Variants in ATXN7L1 observed in about 807,000 individuals in gnomAD.
ATXN7L1 encodes the protein ataxin 7 like 1.
In ATXN7L1, 15 loss-of-function variants were observed where a neutral mutation model predicts 70.8. The ratio of observed to expected loss-of-function variants is 0.21; its 90% CI spans 0.14 to 0.33. The LOEUF (loss-of-function observed/expected upper bound fraction) is 0.33, where lower values mean the gene tolerates loss of function less well. ATXN7L1 is among the 10% of genes least tolerant of loss of function. The pLI is 1.00. For synonymous variants in ATXN7L1, 440 were observed against 445.1 expected, an observed-to-expected ratio of 0.99 and a Z score of 0.14; for missense variants, 975 against 1,097.1, an observed-to-expected ratio of 0.89 and a Z score of 1.57.
chr7:105,610,566 C>T lies in ATXN7L1; in HGVS notation c.2510G>A (p.Ser837Asn). 6.4e-7 allele frequency: 1 copy of T among 1,551,410 alleles called. No individual in the cohort carries two copies. Among genetic ancestry groups the T allele is most frequent in the East Asian group, 2.4e-5 (1 of 40,908 alleles). The change falls in exon 11 of 12, where the codon AGT becomes AAT. Residue 837 changes from serine (S) to asparagine (N), a missense_variant. Ser to Asn is a conservative substitution (Grantham distance 46). Coordinates refer to ENST00000419735, the MANE Select transcript of ATXN7L1 (RefSeq NM_020725.2). ...KNSSLALSQS[S>N]PSSISSPGHS... is the part of the protein sequence containing the mutation. ...TCCTGGGCTGGATATACTTGAAGGACTGGATTGTGACAAAGCTAGGCTGCT... is the reference window on the plus strand; with the variant it reads ...TCCTGGGCTGGATATACTTGAAGGATTGGATTGTGACAAAGCTAGGCTGCT...
chr7:105,775,826 A>G (rs1802646776), intron 3 of ATXN7L1, among the ~76,000 whole-genome samples: 1 of 152,132 alleles, frequency 6.6e-6, no homozygotes, highest in Admixed American at 6.5e-5. Context: ...CTGAATTTGG[A>G]TGAGGGCGAT....
intron 3 of ATXN7L1, among the ~76,000 whole-genome samples, chr7:105,786,623 C>T (rs1334838057): frequency 2.0e-5 from 3 of 152,088 alleles, no homozygotes; most frequent in Non-Finnish European, 1.5e-5. Context: ...TGGGCTCAAG[C>T]AGTTCTCCCC....
chr7:105,718,858 A>G (rs1202710634), intron 3 of ATXN7L1, among the ~76,000 whole-genome samples: 1 of 152,256 alleles, frequency 6.6e-6, no homozygotes, highest in Non-Finnish European at 1.5e-5. Flanking sequence ...AGGTTACAGC[A>G]TGGGAGGGCA....
At chr7:105,819,776 G>A (rs989669015) in intron 2 of ATXN7L1, 33 of 688,980 alleles carry the variant, frequency 4.8e-5, no homozygotes, top group South Asian at 3.5e-4. Flanking sequence ...AAGCAAGGCC[G>A]GGCCGCCCTG....
In ATXN7L1 at chr7:105,614,152, C is replaced by T; in HGVS notation, c.2182G>A (p.Asp728Asn). Residue 728 changes from aspartate (D) to asparagine (N), a missense_variant, in exon 10 of 12, where the codon GAC becomes AAC. Asp to Asn is a conservative substitution (Grantham distance 23). Transcript: ENST00000419735. The surrounding 1 kb of genome is among the most constrained non-coding windows in gnomAD (Gnocchi z 4.3). ...GRTSLPGGPA[D>N]IVRQVGAVGG... ...ACCGCGCCCACCTGTCTCACTATGT[C>T]CGCGGGGCCGCCGGGCAGCGAGGTC... The T allele has an allele frequency of 6.4e-7, 1 of 1,551,648 alleles. No homozygotes were observed. Among genetic ancestry groups the T allele is most frequent in the Non-Finnish European group, 8.7e-7 (1 of 1,146,980 alleles).
chr7:105,755,016 A>G (rs1799643577), intron 3 of ATXN7L1, among the ~76,000 whole-genome samples: 2 of 151,762 alleles, frequency 1.3e-5, no homozygotes, highest in Admixed American at 6.6e-5. Context: ...AAGCTGAAAA[A>G]TATCAACAAG....
Position 105,662,514 on chromosome 7 carries a change from T to C in ATXN7L1, c.578+2552A>G, listed in dbSNP as rs115541934. Among the ~76,000 whole-genome samples the C allele has an allele frequency of 2.7e-3, 417 of 152,278 alleles. 3 individuals carry two copies. The highest frequency in any genetic ancestry group is 9.7e-3 in the African/African-American group (403 of 41,558). On this transcript the variant is annotated intron_variant, in intron 4 of 11. Coordinates refer to ENST00000419735, the MANE Select transcript of ATXN7L1 (RefSeq NM_020725.2). The stretch of plus-strand genomic sequence containing the variant: ...GAGTGTGGACAATGATTTGAACCAA[T>C]GGTCTCCCTGAAGGTTTGCCTTTTG...
intron 2 of ATXN7L1, among the ~76,000 whole-genome samples, chr7:105,817,820 G>A (rs191563038): frequency 1.1e-4 from 17 of 152,282 alleles, no homozygotes; most frequent in Admixed American, 8.5e-4. Flanking sequence ...CAGCTACTCC[G>A]GAGGCTGAGG....
At chr7:105,854,028 T>G (rs1161357813) in intron 2 of ATXN7L1, among the ~76,000 whole-genome samples, 1 of 152,052 alleles carries the variant, frequency 6.6e-6, no homozygotes, top group Non-Finnish European at 1.5e-5. Context: ...GCCACATCGA[T>G]TTAAACATCC....
intron 2 of ATXN7L1, among the ~76,000 whole-genome samples, chr7:105,842,522 G>A (rs1446903510): frequency 1.3e-5 from 2 of 152,170 alleles, no homozygotes; most frequent in Admixed American, 1.3e-4. Context: ...GTTCATCCAT[G>A]TTATAGCAGG....
intron 3 of ATXN7L1, among the ~76,000 whole-genome samples, chr7:105,754,423 A>T (rs1799562297): frequency 6.6e-6 from 1 of 150,738 alleles, no homozygotes; most frequent in African/African-American, 2.4e-5. Context: ...TAAGAGACAG[A>T]GTCTCACTCT....
rs755821220 is a variant in ATXN7L1, at chr7:105,876,442, C to G, written c.117G>C (p.Pro39=). Residue 39 remains proline (P), a synonymous_variant, in exon 1 of 12, where the codon CCG becomes CCC. Coordinates refer to ENST00000419735, the MANE Select transcript of ATXN7L1 (RefSeq NM_020725.2). ...ACCAGGGTTTGCCCAGAAACGCCTC[C>G]GGACTGGGCACTTTGCGATCCAGTG... ...MATLDRKVPS[P]EAFLGKPWSS... is the part of the protein sequence containing the mutation. 1 of 1,613,654 alleles carries G rather than the reference C, an allele frequency of 6.2e-7. No homozygotes were observed. Among genetic ancestry groups the G allele is most frequent in the South Asian group, 1.1e-5 (1 of 90,976 alleles).
At chr7:105,760,213 G>A in intron 3 of ATXN7L1, 1 of 984,764 alleles carries the variant, frequency 1.0e-6, no homozygotes, top group Non-Finnish European at 1.2e-6. Context: ...GATGTTTAAT[G>A]ACCCAGTGTG....
chr7:105,606,392 C>T lies in ATXN7L1; in HGVS notation c.*1460G>A, dbSNP rs1792766465. The T allele has an allele frequency of 1.3e-5, 2 of 152,108 alleles. No homozygotes were observed. Among genetic ancestry groups the T allele is most frequent in the African/African-American group, 2.4e-5 (1 of 41,426 alleles). 9.4% of individuals were successfully genotyped at this position (152,108 alleles called of 1,614,324 possible). On this transcript the variant is annotated 3_prime_UTR_variant, in exon 12 of 12. Transcript: ENST00000419735. The stretch of plus-strand genomic sequence containing the variant: ...GGGGGAACGGGAAAGAAAAGGAAAA[C>T]TTTGGGGTGGGGATGAGGGTTCTGC...
chr7:105,730,180 C>A (rs536690589), intron 3 of ATXN7L1, among the ~76,000 whole-genome samples: 111 of 152,286 alleles, frequency 7.3e-4, no homozygotes, highest in Non-Finnish European at 1.4e-3. Context: ...AACACTACCT[C>A]AGTCAGGTGA....
intron 3 of ATXN7L1, among the ~76,000 whole-genome samples, chr7:105,680,300 C>T (rs1222491936): frequency 1.3e-5 from 2 of 152,154 alleles, no homozygotes; most frequent in African/African-American, 4.8e-5. Context: ...CCTGTGGGGA[C>T]CATCCCTTCA....
chr7:105,697,835 G>A (rs556434456), intron 3 of ATXN7L1, among the ~76,000 whole-genome samples: 2 of 152,310 alleles, frequency 1.3e-5, no homozygotes, highest in South Asian at 2.1e-4. Context: ...GGCTTCAGCC[G>A]GTCCCTCTGT....
Position 105,730,732 on chromosome 7 carries a change from G to GA in ATXN7L1, c.355+57871dup, listed in dbSNP as rs71520934. On this transcript the variant is annotated intron_variant, in intron 3 of 11. Coordinates refer to ENST00000419735, the MANE Select transcript of ATXN7L1 (RefSeq NM_020725.2). ...GGGCAACAGAGTGAGACTCCATCTCGAAAAAAAAAAGAAAAAAAAAGAGGC... is the reference window on the plus strand; with the variant it reads ...GGGCAACAGAGTGAGACTCCATCTCGAAAAAAAAAAAGAAAAAAAAAGAGGC... Among the ~76,000 whole-genome samples, 259 of 138,924 alleles carry GA rather than the reference G, an allele frequency of 1.9e-3. 4 individuals carry two copies. The highest frequency in any genetic ancestry group is 6.4e-3 in the Admixed American group (88 of 13,652). The allele number at this position is 138,924 out of a possible 152,430, so 91.1% of individuals were successfully genotyped here. A position where few individuals can be genotyped will look rare whatever the true frequency, so the allele number is the denominator to read the frequency against.
At chr7:105,683,814 C>T (rs1332881702) in intron 3 of ATXN7L1, among the ~76,000 whole-genome samples, 1 of 152,200 alleles carries the variant, frequency 6.6e-6, no homozygotes, top group Admixed American at 6.5e-5. Context: ...TGAGGCACAG[C>T]TCTTCCTCTT....
Sources: allele counts gnomAD v4.1 joint callset (sites outside exome capture counted in the v4.1 genomes callset), GRCh38; gene constraint gnomAD v4.1.1; non-coding constraint Gnocchi (gnomAD v3.1); transcripts MANE v1.5; gene names NCBI Gene and HGNC (gene_info 2026-07-23, HGNC 2026-07-21).